The following GPHN variants were observed in gnomAD, a reference collection of about 807,000 sequenced individuals.
GPHN encodes gephyrin.
Under a neutral mutation model 95.5 loss-of-function variants are expected in GPHN, and 17 were observed. The observed-to-expected ratio is 0.18, with a 90% confidence interval of 0.12 to 0.27. GPHN has a LOEUF of 0.27. Among genes scored for constraint, GPHN ranks in the 10% least tolerant of loss-of-function variants. The probability of loss-of-function intolerance (pLI) is 1.00; values close to 1 mark genes in which losing one functional copy is unlikely to be tolerated. For synonymous variants in GPHN, 320 were observed against 322.5 expected (o/e 0.99, Z 0.08); for missense variants, 660 against 978.1 (o/e 0.67, Z 4.34).
the GPHN span, among the ~76,000 whole-genome samples, chr14:67,594,709 A>T: frequency 1.3e-5 from 2 of 152,104 alleles, no homozygotes; most frequent in African/African-American, 4.8e-5. Flanking sequence ...TACAGGAGGG[A>T]GTTATGTCCT....
chr14:67,150,470 A>AT (rs1346963893), intron 18 of GPHN, among the ~76,000 whole-genome samples: 5,650 of 148,326 alleles, frequency 0.038, 151 homozygotes, highest in Non-Finnish European at 0.052. Flanking sequence ...AAAAAAAAAA[A>AT]AAACATTGTA....
At chr14:67,371,118 A>G in the GPHN span, among the ~76,000 whole-genome samples, 1 of 152,156 alleles carries the variant, frequency 6.6e-6, no homozygotes, top group Non-Finnish European at 1.5e-5. Context: ...AAAATTTCAG[A>G]AAGTTAAGGA....
chr14:67,659,053 A>C, the GPHN span, among the ~76,000 whole-genome samples: 162 of 152,326 alleles, frequency 1.1e-3, no homozygotes, highest in Non-Finnish European at 2.0e-3. Flanking sequence ...TTAATCTTTC[A>C]GACGTTTTAT....
At chr14:67,219,752 CA>C in the GPHN span, among the ~76,000 whole-genome samples, 1 of 152,144 alleles carries the variant, frequency 6.6e-6, no homozygotes, top group Non-Finnish European at 1.5e-5. Flanking sequence ...TCAAATTCTT[CA>C]AGGTCTCACC....
intron 9 of GPHN, 108 bp downstream of exon 9, chr14:66,965,433 C>G (rs1489111591): frequency 9.7e-7 from 1 of 1,035,136 alleles, no homozygotes; most frequent in African/African-American, 1.6e-5. Flanking sequence ...CAAGATTACA[C>G]TGTGAAAAAT....
At chr14:67,711,297 T>C in the GPHN span, among the ~76,000 whole-genome samples, 1 of 152,244 alleles carries the variant, frequency 6.6e-6, no homozygotes, top group Non-Finnish European at 1.5e-5. Context: ...ATGCCAAATT[T>C]TGACACCTTA....
At chr14:66,559,899 C>T (rs2060159712) in intron 1 of GPHN, among the ~76,000 whole-genome samples, 1 of 152,096 alleles carries the variant, frequency 6.6e-6, no homozygotes, top group African/African-American at 2.4e-5. Context: ...TTTAATCCAT[C>T]TTGAATTAAT....
intron 6 of GPHN, among the ~76,000 whole-genome samples, chr14:66,917,615 G>C (rs1311714813): frequency 6.6e-6 from 1 of 152,156 alleles, no homozygotes; most frequent in African/African-American, 2.4e-5. Context: ...AGTTTAGCAA[G>C]TTCCTCCTGC....
the GPHN span, among the ~76,000 whole-genome samples, chr14:67,546,843 A>G: frequency 2.0e-5 from 3 of 152,194 alleles, no homozygotes; most frequent in Admixed American, 6.5e-5. Flanking sequence ...AGCCTGGGTG[A>G]CACAGCAAAA....
the GPHN span, chr14:67,392,589 C>T: frequency 7.1e-7 from 1 of 1,409,978 alleles, no homozygotes; most frequent in Non-Finnish European, 9.9e-7. Context: ...GACTGTGGCC[C>T]CCAGGCCCCC....
At chr14:67,379,799 C>T in the GPHN span, among the ~76,000 whole-genome samples, 3 of 149,304 alleles carry the variant, frequency 2.0e-5, no homozygotes, top group Non-Finnish European at 3.0e-5. Flanking sequence ...GGACTACAGG[C>T]GCCCGCCACT....
the GPHN span, among the ~76,000 whole-genome samples, chr14:67,654,534 G>A: frequency 2.1e-3 from 314 of 152,278 alleles, 2 homozygotes; most frequent in Admixed American, 5.1e-3. Flanking sequence ...TGCCTTGAAT[G>A]TAGTACTTTA....
At chr14:67,627,306 T>C in the GPHN span, among the ~76,000 whole-genome samples, 6 of 148,294 alleles carry the variant, frequency 4.0e-5, no homozygotes, top group East Asian at 5.9e-4. Context: ...ATTGCTAATA[T>C]TGATCTGTTT....
At chr14:67,330,343 A>G in the GPHN span, among the ~76,000 whole-genome samples, 1 of 151,724 alleles carries the variant, frequency 6.6e-6, no homozygotes, top group Admixed American at 6.6e-5. Context: ...TTTCAAATGT[A>G]GGCATTTGAA....
At chr14:66,554,268 A>T (rs2059928581) in intron 1 of GPHN, among the ~76,000 whole-genome samples, 1 of 152,220 alleles carries the variant, frequency 6.6e-6, no homozygotes, top group Non-Finnish European at 1.5e-5. Flanking sequence ...CCAGTGAGAC[A>T]AGTAGGACTG....
At chr14:67,611,271 T>G in the GPHN span, 2 of 151,214 alleles carry the variant, frequency 1.3e-5, no homozygotes, top group East Asian at 1.9e-4. Flanking sequence ...TTCTTTCTTT[T>G]CTTTCTTGAG....
the GPHN span, chr14:67,224,908 G>A: frequency 2.3e-6 from 1 of 432,990 alleles, no homozygotes; most frequent in East Asian, 4.6e-5. Context: ...AAGGGAACCT[G>A]CTTGTGAAAT....
intron 9 of GPHN, among the ~76,000 whole-genome samples, chr14:67,004,555 G>A (rs2072470303): frequency 6.6e-6 from 1 of 151,672 alleles, no homozygotes; most frequent in Non-Finnish European, 1.5e-5. Context: ...AAATGTCTTT[G>A]GCTTTGAAAA....
chr14:66,783,849 C>A (rs899644443), intron 3 of GPHN, among the ~76,000 whole-genome samples: 1 of 152,112 alleles, frequency 6.6e-6, no homozygotes, highest in Non-Finnish European at 1.5e-5. Flanking sequence ...GTCAGTGAGA[C>A]CTTGCAGAAG....
Sources: allele counts gnomAD v4.1 joint callset (sites outside exome capture counted in the v4.1 genomes callset), GRCh38; gene constraint gnomAD v4.1.1; transcripts MANE v1.5; gene names NCBI Gene and HGNC (gene_info 2026-07-23, HGNC 2026-07-21).